The following LUZP2 variants were observed in gnomAD, a reference collection of about 807,000 sequenced individuals.
The protein encoded by LUZP2 is leucine zipper protein 2.
In LUZP2, 52 loss-of-function variants were observed where a neutral mutation model predicts 51.6. The ratio of observed to expected loss-of-function variants is 1.01; its 90% CI spans 0.81 to 1.27. The LOEUF is 1.27. LUZP2 is among the 50% of genes most tolerant of loss of function. The pLI is 0.00. For missense variants in LUZP2, 436 were observed against 395.4 expected (o/e 1.10, Z -0.87); for synonymous variants, 154 against 137.3 (o/e 1.12, Z -0.85).
In LUZP2 at chr11:25,078,643, A is replaced by G; in HGVS notation, c.1026A>G (p.Glu342=). 6.2e-7 allele frequency: 1 copy of G among 1,607,016 alleles called. No homozygotes were observed. Among genetic ancestry groups the G allele is most frequent in the Non-Finnish European group, 8.5e-7 (1 of 1,178,058 alleles). The change falls in exon 12 of 12, where the codon GAA becomes GAG. Residue 342 remains glutamate, a synonymous_variant. Coordinates refer to ENST00000336930, the MANE Select transcript of LUZP2 (RefSeq NM_001009909.4). ...LTSFEGMAAR[E]EKIL Reference sequence around the variant, plus strand: ...GCTTTGAAGGGATGGCAGCTAGAGAAGAAAAAATACTGTAAATACTAAGAA... The same window carrying G: ...GCTTTGAAGGGATGGCAGCTAGAGAGGAAAAAATACTGTAAATACTAAGAA...
intron 1 of LUZP2, among the ~76,000 whole-genome samples, chr11:24,660,525 A>G (rs1185617734): frequency 1.3e-5 from 2 of 152,148 alleles, no homozygotes; most frequent in East Asian, 1.9e-4. Flanking sequence ...TTTTTCTCCA[A>G]CTGAATTCAC....
At chr11:24,970,645 C>T (rs890948106) in intron 7 of LUZP2, among the ~76,000 whole-genome samples, 2 of 152,098 alleles carry the variant, frequency 1.3e-5, no homozygotes, top group African/African-American at 4.8e-5. Flanking sequence ...ATAATCTAGC[C>T]TCACATCCTT....
chr11:24,824,386 A>AG (rs1850461657), intron 5 of LUZP2, among the ~76,000 whole-genome samples: 1 of 148,310 alleles, frequency 6.7e-6, no homozygotes, highest in Admixed American at 6.7e-5. Flanking sequence ...AAAAAAAAAA[A>AG]AAAAAAATGA....
intron 5 of LUZP2, among the ~76,000 whole-genome samples, chr11:24,871,582 T>A (rs1296691829): frequency 2.0e-5 from 3 of 152,078 alleles, no homozygotes; most frequent in African/African-American, 7.2e-5. Flanking sequence ...CTGGTCTACC[T>A]CTGAAGACTC....
chr11:25,014,371 G>A (rs1857078348), intron 9 of LUZP2, among the ~76,000 whole-genome samples: 1 of 152,192 alleles, frequency 6.6e-6, no homozygotes, highest in Non-Finnish European at 1.5e-5. Flanking sequence ...CACCAACAGT[G>A]TAAAAGTCTT....
At chr11:25,019,725 T>C (rs1353422549) in intron 9 of LUZP2, among the ~76,000 whole-genome samples, 1 of 152,130 alleles carries the variant, frequency 6.6e-6, no homozygotes, top group Non-Finnish European at 1.5e-5. Context: ...TAATATGTTA[T>C]TGAGCTTAAG....
chr11:24,845,913 A>C (rs1189420063), intron 5 of LUZP2, among the ~76,000 whole-genome samples: 1 of 152,122 alleles, frequency 6.6e-6, no homozygotes, highest in Non-Finnish European at 1.5e-5. Context: ...CGGACTAATA[A>C]AAAGAGGGAA....
chr11:24,555,503 G>T (rs1851839877), intron 1 of LUZP2, among the ~76,000 whole-genome samples: 1 of 152,130 alleles, frequency 6.6e-6, no homozygotes, highest in African/African-American at 2.4e-5. Flanking sequence ...ATAAGCAGAA[G>T]TTTTACAGAA....
intron 1 of LUZP2, among the ~76,000 whole-genome samples, chr11:24,551,525 G>T (rs1851724462): frequency 6.6e-6 from 1 of 151,918 alleles, no homozygotes; most frequent in African/African-American, 2.4e-5. Flanking sequence ...TTACGGTAAT[G>T]GTTGTGCAAT....
In LUZP2 at chr11:24,574,252, C is replaced by CTTTCTTTCTTTCTT. The variant is rs1206597872; in HGVS notation, c.62+76957_62+76958insTCTTTTTCTTTCTT. On this transcript the variant is annotated intron_variant, in intron 1 of 11. Transcript: ENST00000336930. The stretch of plus-strand genomic sequence containing the variant: ...TCTTTCTTTCTTTCTTTCTTTCTTT[C>CTTTCTTTCTTTCTT]TTTCTTTCTTGCTTTCTTTCTTTCT... Among the ~76,000 whole-genome samples, 12 of 3,078 alleles carry CTTTCTTTCTTTCTT rather than the reference C, an allele frequency of 3.9e-3. 1 individual carries two copies. Among genetic ancestry groups the CTTTCTTTCTTTCTT allele is most frequent in the African/African-American group, 6.8e-3 (10 of 1,468 alleles). 2.0% of individuals were successfully genotyped at this position (3,078 alleles called of 152,430 possible). A position where few individuals can be genotyped will look rare whatever the true frequency, so the allele number is the denominator to read the frequency against.
intron 7 of LUZP2, among the ~76,000 whole-genome samples, chr11:24,974,679 A>C (rs553885237): frequency 6.6e-6 from 1 of 152,222 alleles, no homozygotes; most frequent in South Asian, 2.1e-4. Context: ...GATATGGCTT[A>C]TCAGGAATAC....
At chr11:24,851,737 C>T (rs911935470) in intron 5 of LUZP2, among the ~76,000 whole-genome samples, 17 of 152,118 alleles carry the variant, frequency 1.1e-4, no homozygotes, top group East Asian at 3.9e-4. Context: ...GCTGTGAATC[C>T]GTCTCATCCT....
intron 7 of LUZP2, among the ~76,000 whole-genome samples, chr11:24,967,547 T>A (rs984546731): frequency 7.9e-5 from 12 of 151,918 alleles, no homozygotes; most frequent in Non-Finnish European, 1.8e-4. Flanking sequence ...GTAAGCATTT[T>A]TGAGGCCCTG....
At chr11:25,042,514 G>A (rs1858101091) in intron 9 of LUZP2, among the ~76,000 whole-genome samples, 1 of 152,174 alleles carries the variant, frequency 6.6e-6, no homozygotes, top group Non-Finnish European at 1.5e-5. Context: ...TGAGTCTCTA[G>A]TACATTATAA....
intron 1 of LUZP2, among the ~76,000 whole-genome samples, chr11:24,573,314 C>T (rs1852501113): frequency 6.6e-6 from 1 of 151,942 alleles, no homozygotes; most frequent in Non-Finnish European, 1.5e-5. Context: ...TAACTCAGAG[C>T]TTGTACATCA....
chr11:25,015,962 C>G (rs765503827), intron 9 of LUZP2, among the ~76,000 whole-genome samples: 54 of 150,372 alleles, frequency 3.6e-4, no homozygotes, highest in Admixed American at 1.1e-3. Flanking sequence ...TCTCTGTCAC[C>G]CAGGCTGGAG....
At chr11:24,511,519 A>G (rs1437926143) in intron 1 of LUZP2, among the ~76,000 whole-genome samples, 1 of 152,204 alleles carries the variant, frequency 6.6e-6, no homozygotes, top group Non-Finnish European at 1.5e-5. Context: ...AGGGACAGAT[A>G]GGGACAGAAC....
chr11:24,839,760 T>C (rs1477998441), intron 5 of LUZP2, among the ~76,000 whole-genome samples: 1 of 151,728 alleles, frequency 6.6e-6, no homozygotes, highest in Non-Finnish European at 1.5e-5. Flanking sequence ...AAAGTTAAAT[T>C]ATAGCTGTCT....
intron 5 of LUZP2, among the ~76,000 whole-genome samples, chr11:24,895,439 G>A (rs1853009434): frequency 6.6e-6 from 1 of 151,974 alleles, no homozygotes; most frequent in African/African-American, 2.4e-5. Context: ...ATGATTCTGA[G>A]GTTTGGAGCA....
Sources: gnomAD v4.1 joint callset for allele counts (sites outside exome capture counted in the v4.1 genomes callset) on GRCh38, gnomAD v4.1.1 for gene constraint, MANE v1.5 for transcripts, NCBI Gene and HGNC (gene_info 2026-07-23, HGNC 2026-07-21) for gene names.